BAG3: variants seen among roughly 807,000 people sequenced by gnomAD.
BAG3 encodes BAG family molecular chaperone regulator 3.
In BAG3, 14 loss-of-function variants were observed where a neutral mutation model predicts 40.5. The observed-to-expected ratio is 0.35, with a 90% CI of 0.23 to 0.54. BAG3 has a LOEUF of 0.54. BAG3 is among the 20% of genes least tolerant of loss of function. BAG3 has a pLI of 0.91. For synonymous variants in BAG3, 302 were observed against 307.8 expected (o/e 0.98, Z 0.20); for missense variants, 788 against 758.6 (o/e 1.04, Z -0.46).
Position 119,676,252 on chromosome 10 carries a change from A to G in BAG3, c.910-212A>G, listed in dbSNP as rs184233300. 1.1e-4 allele frequency among the ~76,000 whole-genome samples: 16 copies of G among 152,180 alleles called. No individual in the cohort carries two copies. The East Asian group carries it at 2.1e-3, about 20-fold the overall frequency. The stretch of plus-strand genomic sequence containing the variant: ...ATAGACAAATAGCCTGGGGTGATCA[A>G]TGGAAGCCTGACTAATGATTGGGTT... On this transcript the variant is annotated intron_variant, in intron 3 of 3. Transcript: ENST00000369085.
Position 119,676,544 on chromosome 10 carries a change from A to G in BAG3, c.990A>G (p.Pro330=), listed in dbSNP as rs1445631579. The change falls in exon 4 of 4, where the codon CCA becomes CCG. Residue 330 remains proline, a synonymous_variant. Transcript: ENST00000369085. ...AAAGTAAGCCAGGCCCAGTTGGACC[A>G]GAACTCCCTCCTGGACACATCCCAA... ...KPESKPGPVG[P]ELPPGHIPIQ... is the part of the protein sequence containing the mutation. 6.2e-7 allele frequency: 1 copy of G among 1,613,936 alleles called. No homozygotes were observed. Among genetic ancestry groups the G allele is most frequent in the Non-Finnish European group, 8.5e-7 (1 of 1,180,016 alleles).
Position 119,651,874 on chromosome 10 carries a change from C to T in BAG3, c.180+19C>T, listed in dbSNP as rs543209392. On this transcript the variant is annotated intron_variant, in intron 1 of 3. Transcript: ENST00000369085. Reference sequence around the variant, plus strand: ...CCCCAAGGTGAGCCGGGCCCGCGGCCCGCCCTGGTCGGTGGCGCCACCTCG... The same window carrying T: ...CCCCAAGGTGAGCCGGGCCCGCGGCTCGCCCTGGTCGGTGGCGCCACCTCG... 11 of 1,520,490 alleles carry T rather than the reference C, an allele frequency of 7.2e-6. No individual in the cohort carries two copies. In the South Asian group the frequency reaches 1.2e-4, roughly 17 times the overall value. The allele number at this position is 1,520,490 out of a possible 1,614,324, so 94.2% of individuals were successfully genotyped here. A position where few individuals can be genotyped will look rare whatever the true frequency, so the allele number is the denominator to read the frequency against.
Position 119,677,510 on chromosome 10 carries a change from A to T in BAG3, c.*228A>T. On this transcript the variant is annotated 3_prime_UTR_variant, in exon 4 of 4. Coordinates refer to ENST00000369085, the MANE Select transcript of BAG3 (RefSeq NM_004281.4). ...AGTTGCTTGTTGTTTGAGAAGTTTA[A>T]CCCCGTTGCTTGTTGTTCTGCAGCC... 1.7e-6 allele frequency: 1 copy of T among 599,622 alleles called. No individual in the cohort carries two copies. Among genetic ancestry groups the T allele is most frequent in the Admixed American group, 3.1e-5 (1 of 31,768 alleles). The allele number at this position is 599,622 out of a possible 1,614,324, so 37.1% of individuals were successfully genotyped here.
At chr10:119,661,393 G>A (rs1487493818) in intron 1 of BAG3, among the ~76,000 whole-genome samples, 3 of 152,112 alleles carry the variant, frequency 2.0e-5, no homozygotes, top group African/African-American at 7.2e-5. Context: ...GGGAAATATG[G>A]GGATCTTTAC....
At chr10:119,675,908 CCTTCCTT>C (rs1589632082) in intron 3 of BAG3, among the ~76,000 whole-genome samples, 15 of 24,402 alleles carry the variant, frequency 6.1e-4, no homozygotes, top group Non-Finnish European at 8.7e-4. Flanking sequence ...TTCCCCCCTT[CCTTCCTT>C]CCTTCCTCCC....
At chr10:119,669,134 C>T (rs1847105149) in intron 1 of BAG3, among the ~76,000 whole-genome samples, 1 of 152,160 alleles carries the variant, frequency 6.6e-6, no homozygotes, top group Non-Finnish European at 1.5e-5. Flanking sequence ...TTTGCTAAAA[C>T]TTGACTTTAC....
At chr10:119,669,115 G>A (rs1163594102) in intron 1 of BAG3, among the ~76,000 whole-genome samples, 1 of 152,178 alleles carries the variant, frequency 6.6e-6, no homozygotes. Flanking sequence ...AACTGACTTA[G>A]CAGTGTCTTT....
chr10:119,651,934 G>T (rs956461511), intron 1 of BAG3, 79 bp downstream of exon 1: 19 of 1,203,636 alleles, frequency 1.6e-5, no homozygotes, highest in Non-Finnish European at 2.0e-5. Context: ...GGGCCGGGGG[G>T]ACGCGAGGCG....
In BAG3 at chr10:119,676,574, A is replaced by G. The variant is rs781187541; in HGVS notation, c.1020A>G (p.Gln340=). Reference sequence around the variant, plus strand: ...TCCCTCCTGGACACATCCCAATTCAAGTGATCCGCAAAGAGGTGGATTCTA... The same window carrying G: ...TCCCTCCTGGACACATCCCAATTCAGGTGATCCGCAAAGAGGTGGATTCTA... ...PELPPGHIPI[Q]VIRKEVDSKP... Residue 340 remains glutamine, a synonymous_variant, in exon 4 of 4, where the codon CAA becomes CAG. Transcript: ENST00000369085. The G allele has an allele frequency of 4.3e-6, 7 of 1,614,000 alleles. No homozygotes were observed. In the South Asian group the frequency reaches 7.7e-5, roughly 18 times the overall value.
In BAG3 at chr10:119,676,509, A is replaced by G; in HGVS notation, c.955A>G (p.Asn319Asp). ...RETAPVSQPE[N>D]KPESKPGPVG... ...AACTGCACCTGTTTCCCAGCCTGAA[A>G]ACAAACCAGAAAGTAAGCCAGGCCC... is the stretch of plus-strand genomic sequence containing the variant. The change falls in exon 4 of 4, where the codon AAC becomes GAC. Residue 319 changes from asparagine (N) to aspartate (D), a missense_variant. Coordinates refer to ENST00000369085, the MANE Select transcript of BAG3 (RefSeq NM_004281.4). 6.2e-7 allele frequency: 1 copy of G among 1,613,688 alleles called. No homozygotes were observed. Among genetic ancestry groups the G allele is most frequent in the Non-Finnish European group, 8.5e-7 (1 of 1,179,928 alleles).
intron 3 of BAG3, among the ~76,000 whole-genome samples, chr10:119,675,013 T>G (rs1487041218): frequency 6.6e-6 from 1 of 151,536 alleles, no homozygotes; most frequent in Non-Finnish European, 1.5e-5. Flanking sequence ...TCAAGATATT[T>G]TTGCTTTGAG....
rs144928892 is a variant in BAG3, at chr10:119,670,102, C to A, written c.432C>A (p.Thr144=). Residue 144 remains threonine (T), a synonymous_variant, in exon 2 of 4, where the codon ACC becomes ACA. Coordinates refer to ENST00000369085, the MANE Select transcript of BAG3 (RefSeq NM_004281.4). ...CACCTCTGCGGGGCATGCCAGAAACCACTCAGCCAGATAAACAGTGTGGAC... is the reference window on the plus strand; with the variant it reads ...CACCTCTGCGGGGCATGCCAGAAACAACTCAGCCAGATAAACAGTGTGGAC... ...SQSPLRGMPE[T]TQPDKQCGQV... is the part of the protein sequence containing the mutation. 1.2e-5 allele frequency: 20 copies of A among 1,613,602 alleles called. No individual in the cohort carries two copies. In the African/African-American group the frequency reaches 2.7e-4, roughly 22 times the overall value.
intron 1 of BAG3, among the ~76,000 whole-genome samples, chr10:119,652,978 G>A (rs1004603320): frequency 3.9e-5 from 6 of 152,272 alleles, no homozygotes; most frequent in Non-Finnish European, 7.4e-5. Context: ...TGTTAACGCC[G>A]TCTGGGCAAG....
Position 119,676,848 on chromosome 10 carries a change from G to T in BAG3, c.1294G>T (p.Val432Leu). The change falls in exon 4 of 4, where the codon GTA (valine) becomes TTA (leucine). Residue 432 changes from valine to leucine, a missense_variant. Val to Leu is a conservative substitution (Grantham distance 32). Transcript: ENST00000369085. ...GAAAGTGGAAGCCATCCTGGAGAAG[G>T]TACAGGGGCTGGAGCAGGCTGTAGA... is the stretch of plus-strand genomic sequence containing the variant. ...VLKVEAILEK[V>L]QGLEQAVDNF... 4 of 1,614,146 alleles carry T rather than the reference G, an allele frequency of 2.5e-6. No individual in the cohort carries two copies. The highest frequency in any genetic ancestry group is 3.4e-6 in the Non-Finnish European group (4 of 1,180,018).
At chr10:119,668,271 G>C (rs928593667) in intron 1 of BAG3, among the ~76,000 whole-genome samples, 1 of 152,204 alleles carries the variant, frequency 6.6e-6, no homozygotes, top group South Asian at 2.1e-4. Context: ...TGGTGCCCAC[G>C]CCTGCACACA....
At chr10:119,671,311 T>TA (rs893094964) in intron 2 of BAG3, among the ~76,000 whole-genome samples, 1 of 151,894 alleles carries the variant, frequency 6.6e-6, no homozygotes, top group Non-Finnish European at 1.5e-5. Flanking sequence ...GTCTCAAAAA[T>TA]AAAAAAATAA....
intron 1 of BAG3, among the ~76,000 whole-genome samples, chr10:119,667,116 A>G (rs974372299): frequency 6.6e-6 from 1 of 152,130 alleles, no homozygotes. Flanking sequence ...AGCAGGGACT[A>G]CAGGTGCCCC....
chr10:119,665,243 TCTC>T (rs1847048864), intron 1 of BAG3, among the ~76,000 whole-genome samples: 1 of 150,958 alleles, frequency 6.6e-6, no homozygotes, highest in Non-Finnish European at 1.5e-5. Flanking sequence ...TTCACGCCAT[TCTC>T]CTGCCTCAGC....
intron 1 of BAG3, among the ~76,000 whole-genome samples, chr10:119,656,118 A>G (rs762785184): frequency 3.2e-4 from 49 of 152,242 alleles, no homozygotes; most frequent in Non-Finnish European, 2.1e-4. Flanking sequence ...ACCATTCATC[A>G]TCCAGACCTA....
Sources: allele counts gnomAD v4.1 joint callset (sites outside exome capture counted in the v4.1 genomes callset), GRCh38; gene constraint gnomAD v4.1.1; transcripts MANE v1.5; gene names NCBI Gene and HGNC (gene_info 2026-07-23, HGNC 2026-07-21).